The following ARL17A variants were observed in gnomAD, a reference collection of about 807,000 sequenced individuals.
ARL17A encodes ADP-ribosylation factor-like 17-like.
the ARL17A span, among the ~76,000 whole-genome samples, chr17:46,501,924 ATCCTGGT>A: frequency 6.6e-6 from 1 of 151,204 alleles, no homozygotes; most frequent in Non-Finnish European, 1.5e-5. Flanking sequence ...ACCCTCTTCA[ATCCTGGT>A]TCCACTTCCT....
Position 46,553,964 on chromosome 17 carries a change from T to C in ARL17A, c.*3392A>G, listed in dbSNP as rs2057092183. ...CCACCGGGTGTGAGAGAGAGGGCAC[T>C]TGTCTCCTTCAAGGCTGATGGAAGG... On this transcript the variant is annotated 3_prime_UTR_variant, in exon 4 of 4. Coordinates refer to ENST00000336125, the MANE Select transcript of ARL17A (RefSeq NM_001113738.2). 1 of 969,094 alleles carries C rather than the reference T, an allele frequency of 1.0e-6. No homozygotes were observed. The highest frequency in any genetic ancestry group is 2.0e-5 in the African/African-American group (1 of 50,206). The allele number at this position is 969,094 out of a possible 1,614,324, so 60.0% of individuals were successfully genotyped here.
Position 46,553,170 on chromosome 17 carries a change from A to AT in ARL17A, c.*4185dup, listed in dbSNP as rs1281407233. 1 of 755,402 alleles carries AT rather than the reference A, an allele frequency of 1.3e-6. No individual in the cohort carries two copies. Among genetic ancestry groups the AT allele is most frequent in the African/African-American group, 2.5e-5 (1 of 39,944 alleles). 46.8% of individuals were successfully genotyped at this position (755,402 alleles called of 1,614,324 possible). ...TATGTAAGGGATTGAGCATCCACAGATTCTGGTATGGTGTGGGGGCGGTAT... is the reference window on the plus strand; with the variant it reads ...TATGTAAGGGATTGAGCATCCACAGATTTCTGGTATGGTGTGGGGGCGGTAT... On this transcript the variant is annotated 3_prime_UTR_variant, in exon 4 of 4. Transcript: ENST00000336125.
At chr17:46,517,680 CT>C (rs1180779573) in intron 3 of ARL17A, among the ~76,000 whole-genome samples, 1 of 706 alleles carries the variant, frequency 1.4e-3, no homozygotes, top group African/African-American at 0.015. Flanking sequence ...TTTTTGTTCT[CT>C]TTTTTTTTTT....
chr17:46,552,397 G>A (rs1475287455), downstream of ARL17A: 1 of 15,462 alleles, frequency 6.5e-5, no homozygotes, highest in Non-Finnish European at 1.2e-4. Context: ...GGATCCTCCT[G>A]CCTCAGCTTC....
At chr17:46,542,786 A>G (rs374698030) in intron 3 of ARL17A, among the ~76,000 whole-genome samples, 11,958 of 138,352 alleles carry the variant, frequency 0.086, no homozygotes, top group Non-Finnish European at 0.13. Context: ...ATTTACTGCA[A>G]CTTCAATTGT....
chr17:46,534,813 G>C (rs935632237), intron 4 of ARL17A, among the ~76,000 whole-genome samples: 4 of 147,528 alleles, frequency 2.7e-5, no homozygotes, highest in African/African-American at 1.1e-4. Context: ...GGGGCGGCTG[G>C]CCAGGCGGGG....
the ARL17A span, among the ~76,000 whole-genome samples, chr17:46,504,909 TAATA>T: frequency 6.5e-5 from 8 of 123,222 alleles, no homozygotes; most frequent in South Asian, 5.3e-4. Context: ...ATTTATTAAT[TAATA>T]AATTTATTTA....
chr17:46,539,695 G>C (rs3948492), intron 3 of ARL17A, among the ~76,000 whole-genome samples: 1 of 131,492 alleles, frequency 7.6e-6, no homozygotes, highest in Non-Finnish European at 1.6e-5. Context: ...TTGAACCTGG[G>C]AGGCGGAGGT....
chr17:46,522,591 C>T (rs1306959866), intron 3 of ARL17A, among the ~76,000 whole-genome samples: 2 of 65,522 alleles, frequency 3.1e-5, no homozygotes, highest in Admixed American at 1.4e-4. Context: ...ACTACAGGCA[C>T]GTGCCACTAG....
chr17:46,509,920 AAAAG>A, the ARL17A span, among the ~76,000 whole-genome samples: 18 of 68,276 alleles, frequency 2.6e-4, 3 homozygotes, highest in African/African-American at 5.3e-4. Flanking sequence ...GAAAAAAAAA[AAAAG>A]AAAAGAAAAA....
downstream of ARL17A, chr17:46,552,678 C>T (rs557021593): frequency 6.6e-5 from 5 of 75,476 alleles, no homozygotes; most frequent in South Asian, 9.9e-4. Context: ...TCTTCAGATT[C>T]AACTAGATCA....
chr17:46,525,670 G>A (rs2052643155), downstream of ARL17A, among the ~76,000 whole-genome samples: 1 of 119,882 alleles, frequency 8.3e-6, no homozygotes, highest in African/African-American at 2.9e-5. Context: ...CTACAATTAT[G>A]TAGGCAACAC....
the ARL17A span, among the ~76,000 whole-genome samples, chr17:46,501,162 A>G: frequency 3.3e-5 from 5 of 151,258 alleles, no homozygotes; most frequent in African/African-American, 1.2e-4. Flanking sequence ...GTAGCTAGGT[A>G]CAAGCCACCA....
rs1197577572 is a variant in ARL17A at position 46,542,364 on chromosome 17, CTTTTTTA to C, written c.260-3945_260-3939del. 2.2e-4 allele frequency among the ~76,000 whole-genome samples: 33 copies of C among 148,934 alleles called. 1 individual carries two copies. The highest frequency in any genetic ancestry group is 1.9e-3 in the Admixed American group (29 of 15,116). On this transcript the variant is annotated intron_variant, in intron 3 of 4. Transcript: ENST00000329240. ...GAGTTAATTTGCATATGTGATGTAT[CTTTTTTA>C]TTTTTTATTTTTTTGTAGAAATGAG...
chr17:46,521,367 C>T lies in ARL17A; in HGVS notation c.260-4134G>A, dbSNP rs549254010. The stretch of plus-strand genomic sequence containing the variant: ...GGTGGATGCCAAAGTGCTACAGAGA[C>T]CATGAAATAATAAAACTACGTTTCC... On this transcript the variant is annotated intron_variant, in intron 3 of 4. Coordinates refer to the ARL17A transcript ENST00000445552. Among the ~76,000 whole-genome samples, 6 of 50,218 alleles carry T rather than the reference C, an allele frequency of 1.2e-4. No homozygotes were observed. The East Asian group carries it at 1.4e-3, about 12-fold the overall frequency. 32.9% of individuals were successfully genotyped at this position (50,218 alleles called of 152,430 possible).
At chr17:46,501,457 G>T in the ARL17A span, among the ~76,000 whole-genome samples, 1 of 151,212 alleles carries the variant, frequency 6.6e-6, no homozygotes, top group Non-Finnish European at 1.5e-5. Context: ...CTACAGGTGT[G>T]GGCCACCACG....
chr17:46,549,116 A>G, downstream of ARL17A: 1 of 1,611,766 alleles, frequency 6.2e-7, no homozygotes, highest in African/African-American at 1.4e-5. Context: ...AAGAGTCCAA[A>G]GGTCAGAAAG....
chr17:46,540,090 TTCC>T, intron 3 of ARL17A: 2 of 1,462,512 alleles, frequency 1.4e-6, no homozygotes, highest in Non-Finnish European at 1.8e-6. Flanking sequence ...TACCTACAAG[TTCC>T]ATATCAAAAA....
the ARL17A span, among the ~76,000 whole-genome samples, chr17:46,502,768 C>T: frequency 6.6e-6 from 1 of 151,286 alleles, no homozygotes; most frequent in Non-Finnish European, 1.5e-5. Flanking sequence ...AAATGGTCAC[C>T]AGCAAGAACT....
Sources: gnomAD v4.1 joint callset for allele counts (sites outside exome capture counted in the v4.1 genomes callset) on GRCh38, gnomAD v4.1.1 for gene constraint, MANE v1.5 for transcripts, NCBI Gene and HGNC (gene_info 2026-07-23, HGNC 2026-07-21) for gene names.